The following CCDC40 variants were observed in gnomAD, a reference collection of about 807,000 sequenced individuals.
CCDC40 encodes the protein coiled-coil domain-containing protein 40.
In CCDC40, 104 loss-of-function variants were observed where a neutral mutation model predicts 124.5. That is an observed-to-expected ratio of 0.84 (90% CI 0.71 to 0.98). The LOEUF (loss-of-function observed/expected upper bound fraction) is 0.98, where lower values mean the gene tolerates loss of function less well. CCDC40 is among the 50% of genes least tolerant of loss of function. The probability of loss-of-function intolerance (pLI) is 0.00; values close to 1 mark genes in which losing one functional copy is unlikely to be tolerated. For synonymous variants in CCDC40, 580 were observed against 602.9 expected (o/e 0.96, Z 0.56); for missense variants, 1,463 against 1,503.9 (o/e 0.97, Z 0.45).
intron 16 of CCDC40, chr17:80,089,490 TACAGTTATATA>T: frequency 2.2e-6 from 1 of 456,960 alleles, no homozygotes; most frequent in South Asian, 2.2e-5. Flanking sequence ...TCTCAGCTCC[TACAGTTATATA>T]TCCCTGTTCT....
At chr17:80,088,247 TTTTTGTTTTG>T (rs763272639) in intron 16 of CCDC40, 145 bp downstream of exon 16, 28 of 719,792 alleles carry the variant, frequency 3.9e-5, no homozygotes, top group Non-Finnish European at 6.4e-5. Context: ...GTTGTTTTGT[TTTTTGTTTTG>T]TTTTGTTTTG....
chr17:80,066,598 A>C lies in CCDC40; in HGVS notation c.1562+992A>C, dbSNP rs1044446323. ...TGGTGAAACCCCGTCTCTACTAAAAATACAAAAATTAGCCAGGCATGGTGT... is the reference window on the plus strand; with the variant it reads ...TGGTGAAACCCCGTCTCTACTAAAACTACAAAAATTAGCCAGGCATGGTGT... On this transcript the variant is annotated intron_variant, in intron 10 of 19. Coordinates refer to ENST00000397545, the MANE Select transcript of CCDC40 (RefSeq NM_017950.4). This position sits in a 1 kb window ranked among gnomAD's most constrained non-coding sequence, Gnocchi z 4.4. 1.2e-5 allele frequency: 2 copies of C among 172,466 alleles called. No individual in the cohort carries two copies. The highest frequency in any genetic ancestry group is 2.5e-5 in the Non-Finnish European group (2 of 80,530). 10.7% of individuals were successfully genotyped at this position (172,466 alleles called of 1,614,324 possible). A position where few individuals can be genotyped will look rare whatever the true frequency, so the allele number is the denominator to read the frequency against.
At chr17:80,055,017 A>AT (rs1389266749) in intron 7 of CCDC40, among the ~76,000 whole-genome samples, 1 of 151,890 alleles carries the variant, frequency 6.6e-6, no homozygotes, top group African/African-American at 2.4e-5. Context: ...AAATACAAGG[A>AT]TAAAAAAAAA....
rs377698650 is a variant in CCDC40, at chr17:80,099,955, T to TA, written c.*183dup. The TA allele has an allele frequency of 1.2e-3, 787 of 678,566 alleles. 9 individuals carry two copies. In the African/African-American group the frequency reaches 0.013, roughly 11 times the overall value. 42.0% of individuals were successfully genotyped at this position (678,566 alleles called of 1,614,324 possible). ...TCTTTTTAGCCACTCAGCAATTTAA[T>TA]AAACCAGGTAAAATCCTAGCGTTTC... is the stretch of plus-strand genomic sequence containing the variant. On this transcript the variant is annotated 3_prime_UTR_variant, in exon 20 of 20. Coordinates refer to ENST00000397545, the MANE Select transcript of CCDC40 (RefSeq NM_017950.4).
Position 80,049,968 on chromosome 17 carries a change from G to A in CCDC40, c.918G>A (p.Leu306=), listed in dbSNP as rs765559851. The A allele has an allele frequency of 1.2e-6, 2 of 1,614,138 alleles. No homozygotes were observed. Among genetic ancestry groups the A allele is most frequent in the Admixed American group, 3.3e-5 (2 of 60,012 alleles). ...KNYLNRQIEK[L]KLDLQELVVA... is the part of the protein sequence containing the mutation. ...ACCTGAACCGACAGATCGAAAAGTTGAAGCTGGACCTCCAAGAGCTGGTGT... is the reference window on the plus strand; with the variant it reads ...ACCTGAACCGACAGATCGAAAAGTTAAAGCTGGACCTCCAAGAGCTGGTGT... Residue 306 remains leucine (L), a synonymous_variant, in exon 6 of 20, where the codon TTG becomes TTA. Coordinates refer to ENST00000397545, the MANE Select transcript of CCDC40 (RefSeq NM_017950.4).
At position 80,037,696 on chromosome 17, in the gene CCDC40, C is replaced by A. The variant is rs4889946; in HGVS notation, c.30-427C>A. On this transcript the variant is annotated intron_variant, in intron 1 of 19. Transcript: ENST00000397545. ...TCTTTAATTTTTTAAAAAAGATATA[C>A]ATATATATATATATATATATATATT... Among the ~76,000 whole-genome samples the A allele has an allele frequency of 3.7e-3, 348 of 94,718 alleles. 2 individuals carry two copies. Among genetic ancestry groups the A allele is most frequent in the South Asian group, 7.3e-3 (22 of 3,022 alleles). 62.1% of individuals were successfully genotyped at this position (94,718 alleles called of 152,430 possible).
In CCDC40 at chr17:80,100,039, C is replaced by T. The variant is rs1238096164; in HGVS notation, c.*264C>T. ...ACTGCAGACCCACACACCCACACTC[C>T]CACACTGGGCTTACTCGTCCAGGTA... On this transcript the variant is annotated 3_prime_UTR_variant, in exon 20 of 20. Transcript: ENST00000397545. 7 of 515,730 alleles carry T rather than the reference C, an allele frequency of 1.4e-5. No homozygotes were observed. The highest frequency in any genetic ancestry group is 2.1e-5 in the Non-Finnish European group (6 of 284,306). 31.9% of individuals were successfully genotyped at this position (515,730 alleles called of 1,614,324 possible).
At chr17:80,037,688 A>AAAATATATATATATATAT in intron 1 of CCDC40, among the ~76,000 whole-genome samples, 25 of 45,694 alleles carry the variant, frequency 5.5e-4, no homozygotes, top group African/African-American at 1.2e-3. Flanking sequence ...TTTTTTAAAA[A>AAAATATATATATATATAT]AGATATACAT....
intron 10 of CCDC40, among the ~76,000 whole-genome samples, chr17:80,071,209 G>A (rs1742118333): frequency 6.6e-6 from 1 of 152,234 alleles, no homozygotes. Context: ...GGGACTTGGA[G>A]CCAAAAGCAC....
chr17:80,083,703 A>ACCC (rs902416816), intron 12 of CCDC40, among the ~76,000 whole-genome samples: 3 of 151,934 alleles, frequency 2.0e-5, no homozygotes, highest in Admixed American at 1.3e-4. Context: ...CTCTCGATAA[A>ACCC]CCCCCCGTTG....
At chr17:80,060,824 C>CCAG (rs1183582354) in intron 9 of CCDC40, among the ~76,000 whole-genome samples, 1 of 152,158 alleles carries the variant, frequency 6.6e-6, no homozygotes, top group Non-Finnish European at 1.5e-5. Context: ...TTATAAATTA[C>CCAG]CAGAGAGCTA....
chr17:80,091,865 G>A (rs1206022245), intron 17 of CCDC40, among the ~76,000 whole-genome samples: 3 of 151,370 alleles, frequency 2.0e-5, no homozygotes, highest in Non-Finnish European at 4.4e-5. Flanking sequence ...CAGATTACTT[G>A]TCTAAAAAGC....
intron 10 of CCDC40, chr17:80,067,681 A>T: frequency 2.0e-6 from 3 of 1,535,814 alleles, no homozygotes; most frequent in Non-Finnish European, 2.6e-6. Flanking sequence ...CGCGAATGCT[A>T]ACGCTCACCA....
intron 10 of CCDC40, among the ~76,000 whole-genome samples, chr17:80,078,482 C>A (rs2038365500): frequency 6.6e-6 from 1 of 152,140 alleles, no homozygotes; most frequent in Admixed American, 6.5e-5. Flanking sequence ...GGGGTCCAGG[C>A]TCAGGTTTTG....
intron 16 of CCDC40, among the ~76,000 whole-genome samples, chr17:80,088,889 C>G (rs999235252): frequency 6.6e-6 from 1 of 152,172 alleles, no homozygotes; most frequent in African/African-American, 2.4e-5. Context: ...CTGTCTACCC[C>G]CCTTGGTGGC....
At position 80,095,356 on chromosome 17, in the gene CCDC40, G is replaced by A. The variant is rs761440789; in HGVS notation, c.2926G>A (p.Glu976Lys). ...CAGAGAGACCGTCACCACCCAGGCCGAGGGGCAGCGCAAGATGGACAGGAA... is the reference window on the plus strand; with the variant it reads ...CAGAGAGACCGTCACCACCCAGGCCAAGGGGCAGCGCAAGATGGACAGGAA... ...ARRETVTTQA[E>K]GQRKMDRKAL... The change falls in exon 18 of 20, where the codon GAG becomes AAG. Residue 976 changes from glutamate (E) to lysine (K), a missense_variant. Glu to Lys is a moderately conservative substitution (Grantham distance 56, BLOSUM62 1). Coordinates refer to ENST00000397545, the MANE Select transcript of CCDC40 (RefSeq NM_017950.4). 3 of 1,614,004 alleles carry A rather than the reference G, an allele frequency of 1.9e-6. No homozygotes were observed. The African/African-American group carries it at 4.0e-5, about 22-fold the overall frequency.
At position 80,062,326 on chromosome 17, in the gene CCDC40, T is replaced by C. The variant is rs148940690; in HGVS notation, c.1441-3159T>C. 4.6e-5 allele frequency among the ~76,000 whole-genome samples: 7 copies of C among 152,294 alleles called. No individual in the cohort carries two copies. In the East Asian group the frequency reaches 1.3e-3, roughly 29 times the overall value. On this transcript the variant is annotated intron_variant, in intron 9 of 19. Transcript: ENST00000397545. Reference sequence around the variant, plus strand: ...TTTTAATTTTTTTTAAATTATACTTTAAGTTTTAGGGTACACGTGCACGAT... The same window carrying C: ...TTTTAATTTTTTTTAAATTATACTTCAAGTTTTAGGGTACACGTGCACGAT...
rs773036893 is a variant in CCDC40 at position 80,093,518 on chromosome 17, C to CTT, written c.2833-1732_2833-1731dup. ...AATATTAGGCTGTTTTCTTATTTCT[C>CTT]TTTTTTTTTTTTTTGAAACAGTCTC... On this transcript the variant is annotated intron_variant, in intron 17 of 19. Transcript: ENST00000397545. 3.6e-3 allele frequency among the ~76,000 whole-genome samples: 500 copies of CTT among 139,262 alleles called. 5 individuals carry two copies. Among genetic ancestry groups the CTT allele is most frequent in the African/African-American group, 0.013 (487 of 37,936 alleles). 91.4% of individuals were successfully genotyped at this position (139,262 alleles called of 152,430 possible).
At chr17:80,097,930 G>GAA (rs889135245) in intron 19 of CCDC40, 13 of 86,238 alleles carry the variant, frequency 1.5e-4, no homozygotes, top group Admixed American at 2.8e-4. Context: ...GAAAAGAAAA[G>GAA]AAAAGAAAAG....
Sources: allele counts gnomAD v4.1 joint callset (sites outside exome capture counted in the v4.1 genomes callset), GRCh38; gene constraint gnomAD v4.1.1; non-coding constraint Gnocchi (gnomAD v3.1); transcripts MANE v1.5; gene names NCBI Gene and HGNC (gene_info 2026-07-23, HGNC 2026-07-21).